Variants in PXDNL observed in about 807,000 individuals in gnomAD.
The protein encoded by PXDNL is probable oxidoreductase PXDNL.
A neutral mutation model predicts 150.8 loss-of-function variants in PXDNL; 145 were observed. The observed-to-expected ratio is 0.96, with a 90% CI of 0.84 to 1.10. The LOEUF is 1.10. Among genes scored for constraint, PXDNL ranks in the 50% least tolerant of loss-of-function variants. The pLI is 0.00. For synonymous variants in PXDNL, 757 were observed against 725.7 expected (o/e 1.04, Z -0.69); for missense variants, 2,087 against 1,873.9 (o/e 1.11, Z -2.10).
intron 2 of PXDNL, among the ~76,000 whole-genome samples, chr8:51,630,763 T>C (rs1814473106): frequency 6.6e-6 from 1 of 152,114 alleles, no homozygotes; most frequent in South Asian, 2.1e-4. Flanking sequence ...ATAGTTATTA[T>C]CTAAGAGTCA....
intron 1 of PXDNL, among the ~76,000 whole-genome samples, chr8:51,723,423 C>T (rs963959863): frequency 2.0e-5 from 3 of 152,110 alleles, no homozygotes; most frequent in South Asian, 2.1e-4. Flanking sequence ...GAACTCGTGC[C>T]GTATCAGGTA....
intron 1 of PXDNL, among the ~76,000 whole-genome samples, chr8:51,707,929 A>T (rs1212400436): frequency 6.6e-6 from 1 of 152,128 alleles, no homozygotes; most frequent in Non-Finnish European, 1.5e-5. Flanking sequence ...GCACACACGC[A>T]CATACAAATA....
chr8:51,529,877 T>C (rs906823409), intron 4 of PXDNL, among the ~76,000 whole-genome samples: 1 of 152,198 alleles, frequency 6.6e-6, no homozygotes, highest in Non-Finnish European at 1.5e-5. Context: ...GGCTGTCCCA[T>C]GCTTGGTAAG....
At chr8:51,522,685 AC>A (rs766589651) in intron 4 of PXDNL, among the ~76,000 whole-genome samples, 3 of 152,042 alleles carry the variant, frequency 2.0e-5, no homozygotes, top group Non-Finnish European at 2.9e-5. Flanking sequence ...CTCTACTAAA[AC>A]TACAAAAATT....
At chr8:51,494,369 C>G (rs2130250869) in intron 5 of PXDNL, among the ~76,000 whole-genome samples, 1 of 151,770 alleles carries the variant, frequency 6.6e-6, no homozygotes, top group Admixed American at 6.6e-5. Context: ...GAAACTGCAC[C>G]AACTAATGAG....
Position 51,604,384 on chromosome 8 carries a change from C to A in PXDNL, c.237-11686G>T, listed in dbSNP as rs1813796877. On this transcript the variant is annotated intron_variant, in intron 2 of 22. Coordinates refer to ENST00000356297, the MANE Select transcript of PXDNL (RefSeq NM_144651.5). ...TGAAACTGGAAACCATCATTCTCAG[C>A]AAACTATCGCAAGGACAAAAAACCA... Among the ~76,000 whole-genome samples, 3 of 152,242 alleles carry A rather than the reference C, an allele frequency of 2.0e-5. No homozygotes were observed. The South Asian group carries it at 6.2e-4, about 32-fold the overall frequency.
At chr8:51,511,319 T>A (rs1031454254) in intron 4 of PXDNL, among the ~76,000 whole-genome samples, 9 of 152,078 alleles carry the variant, frequency 5.9e-5, no homozygotes, top group South Asian at 2.1e-4. Flanking sequence ...GTTGAGAAAA[T>A]CCTTATGGCT....
intron 19 of PXDNL, among the ~76,000 whole-genome samples, chr8:51,346,603 G>T (rs1806166849): frequency 6.6e-6 from 1 of 152,188 alleles, no homozygotes; most frequent in African/African-American, 2.4e-5. Context: ...GGTGGAGCCT[G>T]GTGGGAGGTA....
At chr8:51,691,122 C>T (rs1214252890) in intron 1 of PXDNL, among the ~76,000 whole-genome samples, 2 of 152,154 alleles carry the variant, frequency 1.3e-5, no homozygotes, top group African/African-American at 4.8e-5. Context: ...TTTAGGTTGC[C>T]TGTTCACTCT....
At chr8:51,436,120 G>A (rs1047594780) in intron 12 of PXDNL, 5 of 514,410 alleles carry the variant, frequency 9.7e-6, no homozygotes, top group Admixed American at 4.2e-5. Context: ...CCCAGCTTTT[G>A]ATGAATTACT....
At chr8:51,719,705 T>TA (rs1816690972) in intron 1 of PXDNL, among the ~76,000 whole-genome samples, 1 of 152,082 alleles carries the variant, frequency 6.6e-6, no homozygotes, top group African/African-American at 2.4e-5. Flanking sequence ...CATGATTTTT[T>TA]TAAAAAAATA....
At chr8:51,396,141 G>C (rs778171341) in intron 17 of PXDNL, among the ~76,000 whole-genome samples, 15 of 152,168 alleles carry the variant, frequency 9.9e-5, no homozygotes, top group Non-Finnish European at 1.8e-4. Context: ...GTCCACCTAT[G>C]CCTGCGAGAA....
intron 2 of PXDNL, among the ~76,000 whole-genome samples, chr8:51,596,983 GC>G (rs1298880381): frequency 1.3e-5 from 2 of 152,132 alleles, no homozygotes; most frequent in Non-Finnish European, 2.9e-5. Flanking sequence ...TTCTCCCAAT[GC>G]CCATGCCCAG....
intron 4 of PXDNL, among the ~76,000 whole-genome samples, chr8:51,525,072 T>G (rs973824199): frequency 6.6e-6 from 1 of 152,120 alleles, no homozygotes; most frequent in African/African-American, 2.4e-5. Flanking sequence ...CAAACACTGC[T>G]TCTCCATTTT....
intron 2 of PXDNL, among the ~76,000 whole-genome samples, chr8:51,593,002 C>T (rs1403074631): frequency 6.6e-6 from 1 of 152,120 alleles, no homozygotes; most frequent in Non-Finnish European, 1.5e-5. Flanking sequence ...AGAAAATTAT[C>T]AACATAGTCA....
At chr8:51,414,950 T>C (rs1032180347) in intron 14 of PXDNL, among the ~76,000 whole-genome samples, 2 of 152,142 alleles carry the variant, frequency 1.3e-5, no homozygotes, top group Admixed American at 1.3e-4. Context: ...AAAAAGCTGA[T>C]TAAAGCCAAA....
chr8:51,508,675 T>C (rs1353126173), intron 4 of PXDNL, among the ~76,000 whole-genome samples: 2 of 152,130 alleles, frequency 1.3e-5, no homozygotes, highest in Non-Finnish European at 2.9e-5. Flanking sequence ...CATGAGCACT[T>C]TCAGGTGCCA....
intron 1 of PXDNL, among the ~76,000 whole-genome samples, chr8:51,667,655 T>A (rs16916698): frequency 6.6e-6 from 1 of 152,114 alleles, no homozygotes; most frequent in Non-Finnish European, 1.5e-5. Context: ...TAGAACTAGA[T>A]AGCAACCCAG....
chr8:51,772,742 T>G (rs1385654970), intron 1 of PXDNL, among the ~76,000 whole-genome samples: 4 of 152,114 alleles, frequency 2.6e-5, no homozygotes, highest in Non-Finnish European at 4.4e-5. Context: ...CAAGGTAGCA[T>G]GGGTCTGTCC....
Sources: gnomAD v4.1 joint callset for allele counts (sites outside exome capture counted in the v4.1 genomes callset) on GRCh38, gnomAD v4.1.1 for gene constraint, MANE v1.5 for transcripts, NCBI Gene and HGNC (gene_info 2026-07-23, HGNC 2026-07-21) for gene names.